The following PRR5L variants were observed in gnomAD, a reference collection of about 807,000 sequenced individuals.
PRR5L encodes proline rich 5 like, also known as proline-rich protein 5-like.
Under a neutral mutation model 36.4 loss-of-function variants are expected in PRR5L, and 21 were observed. That is an observed-to-expected ratio of 0.58 (90% CI 0.41 to 0.83). The LOEUF is 0.83. Among genes scored for constraint, PRR5L ranks in the 40% least tolerant of loss-of-function variants. The pLI, the probability that PRR5L is intolerant of heterozygous loss-of-function variation, is 0.00. For missense variants in PRR5L, 381 were observed against 473.3 expected, an observed-to-expected ratio of 0.80 and a Z score of 1.81; for synonymous variants, 188 against 197.0, an observed-to-expected ratio of 0.95 and a Z score of 0.38.
chr11:36,388,337 C>G (rs983538791), intron 1 of PRR5L: 1 of 152,164 alleles, frequency 6.6e-6, no homozygotes, highest in Non-Finnish European at 1.5e-5. Flanking sequence ...AGCTGGGTGA[C>G]TTTGAAGAAA....
intron 5 of PRR5L, among the ~76,000 whole-genome samples, chr11:36,435,809 A>G (rs1858593737): frequency 6.6e-6 from 1 of 152,192 alleles, no homozygotes; most frequent in South Asian, 2.1e-4. Flanking sequence ...CCTTCCACTC[A>G]CCAGCCCCAG....
chr11:36,416,369 G>A (rs1858143015), intron 3 of PRR5L, among the ~76,000 whole-genome samples: 1 of 152,170 alleles, frequency 6.6e-6, no homozygotes, highest in Non-Finnish European at 1.5e-5. Context: ...GTACCTAGTG[G>A]AGAAGGTTTT....
chr11:36,299,896 C>T (rs1028774154), intron 1 of PRR5L, among the ~76,000 whole-genome samples: 11 of 152,120 alleles, frequency 7.2e-5, no homozygotes, highest in East Asian at 3.9e-4. Context: ...ACAACAACAA[C>T]GACAAACACT....
rs1220354847 is a variant in PRR5L at position 36,463,142 on chromosome 11, G to A, written c.*406G>A. ...AACCACCAAGGATGTGTTGGCCTTT[G>A]GAGTTCCCCTTTAGGTTCCTAGTGA... On this transcript the variant is annotated 3_prime_UTR_variant, in exon 9 of 9. Transcript: ENST00000530639. The A allele has an allele frequency of 6.1e-6, 1 of 164,880 alleles. No homozygotes were observed. Among genetic ancestry groups the A allele is most frequent in the African/African-American group, 2.4e-5 (1 of 41,972 alleles). 10.2% of individuals were successfully genotyped at this position (164,880 alleles called of 1,614,324 possible). A position where few individuals can be genotyped will look rare whatever the true frequency, so the allele number is the denominator to read the frequency against.
At chr11:36,337,165 C>T (rs11033561) in intron 1 of PRR5L, among the ~76,000 whole-genome samples, 3,345 of 152,214 alleles carry the variant, frequency 0.022, 75 homozygotes, top group East Asian at 0.098. Flanking sequence ...GGGTCATTCC[C>T]CCATGGGTCA....
chr11:36,452,293 GC>G (rs1858961189), intron 8 of PRR5L, among the ~76,000 whole-genome samples: 1 of 152,264 alleles, frequency 6.6e-6, no homozygotes, highest in South Asian at 2.1e-4. Context: ...GGAACCTGAT[GC>G]CCCCTCTTCT....
intron 1 of PRR5L, among the ~76,000 whole-genome samples, chr11:36,317,368 C>A (rs746618073): frequency 6.6e-6 from 1 of 152,190 alleles, no homozygotes; most frequent in African/African-American, 2.4e-5. Context: ...GTTCATAGAA[C>A]CTGTCTAGTA....
At chr11:36,376,256 G>C in intron 1 of PRR5L, 2 of 1,233,736 alleles carry the variant, frequency 1.6e-6, no homozygotes, top group Non-Finnish European at 2.1e-6. Flanking sequence ...GGGGACATTG[G>C]AGAGACACTA....
Sources: allele counts gnomAD v4.1 joint callset (sites outside exome capture counted in the v4.1 genomes callset), GRCh38; gene constraint gnomAD v4.1.1; transcripts MANE v1.5; gene names NCBI Gene and HGNC (gene_info 2026-07-23, HGNC 2026-07-21).